The following UGGT2 variants were observed in gnomAD, a reference collection of about 807,000 sequenced individuals.
UGGT2 encodes the protein UDP-glucose:glycoprotein glucosyltransferase 2.
Under a neutral mutation model 192.1 loss-of-function variants are expected in UGGT2, and 180 were observed. That is an observed-to-expected ratio of 0.94 (90% CI 0.83 to 1.06). The LOEUF (loss-of-function observed/expected upper bound fraction) is 1.06, where lower values mean the gene tolerates loss of function less well. UGGT2 is among the 50% of genes least tolerant of loss of function. The pLI is 0.00. For missense variants in UGGT2, 1,849 were observed against 1,795.7 expected (o/e 1.03, Z -0.54); for synonymous variants, 580 against 591.0 (o/e 0.98, Z 0.27).
At chr13:96,005,603 T>C (rs974545992) in intron 5 of UGGT2, among the ~76,000 whole-genome samples, 3 of 152,116 alleles carry the variant, frequency 2.0e-5, no homozygotes, top group Non-Finnish European at 4.4e-5. Flanking sequence ...ATGGAACAGA[T>C]GAAAGTCTTA....
At position 95,925,728 on chromosome 13, in the gene UGGT2, A is replaced by G; in HGVS notation, c.2247T>C (p.Phe749=). ...GAAGTTTTCTCCCAGAAGGCTTATC[A>G]AAATCTGCAATAATCCAGAGAGTGA... The part of the protein sequence containing the change: ...SAVTLWIIAD[F]DKPSGRKLLF... Residue 749 remains phenylalanine (F), a synonymous_variant, in exon 20 of 39, where the codon TTT becomes TTC. Transcript: ENST00000376747. The G allele has an allele frequency of 6.3e-7, 1 of 1,582,206 alleles. No individual in the cohort carries two copies. Among genetic ancestry groups the G allele is most frequent in the Non-Finnish European group, 8.6e-7 (1 of 1,160,928 alleles).
chr13:95,923,368 CTT>C (rs67003679), intron 20 of UGGT2, among the ~76,000 whole-genome samples: 80 of 119,602 alleles, frequency 6.7e-4, no homozygotes, highest in East Asian at 1.2e-3. Context: ...TCAGCATATT[CTT>C]TTTTTTTTTT....
chr13:95,813,367 A>C (rs1884669152), intron 38 of UGGT2, among the ~76,000 whole-genome samples: 1 of 152,234 alleles, frequency 6.6e-6, no homozygotes, highest in Admixed American at 6.5e-5. Flanking sequence ...TTATGCTTTA[A>C]CAAAGAACTT....
At chr13:95,904,313 C>CT (rs1435564314) in intron 20 of UGGT2, among the ~76,000 whole-genome samples, 2 of 151,752 alleles carry the variant, frequency 1.3e-5, no homozygotes, top group Middle Eastern at 3.4e-3. Context: ...TATTATTAAA[C>CT]TTTAAGTTTT....
intron 21 of UGGT2, among the ~76,000 whole-genome samples, chr13:95,901,654 A>G (rs1024968677): frequency 2.6e-5 from 4 of 152,166 alleles, no homozygotes; most frequent in Non-Finnish European, 5.9e-5. Context: ...GCATTGTCCA[A>G]TATGGCAGCC....
chr13:95,820,159 A>AATAG (rs1885354318), intron 38 of UGGT2, among the ~76,000 whole-genome samples: 1 of 151,836 alleles, frequency 6.6e-6, no homozygotes, highest in Non-Finnish European at 1.5e-5. Context: ...TCAAAAAATA[A>AATAG]ATAAATAAAA....
intron 15 of UGGT2, among the ~76,000 whole-genome samples, chr13:95,943,768 G>A (rs2049770841): frequency 6.6e-6 from 1 of 151,876 alleles, no homozygotes; most frequent in African/African-American, 2.4e-5. Context: ...TATTTTAAAT[G>A]AGTATTTCCT....
intron 20 of UGGT2, among the ~76,000 whole-genome samples, chr13:95,907,056 A>G (rs2048314987): frequency 6.6e-6 from 1 of 152,204 alleles, no homozygotes; most frequent in South Asian, 2.1e-4. Context: ...CTTCTGCCCA[A>G]ATACTGTGAT....
chr13:95,834,816 ATGCCT>A (rs1887111103), intron 37 of UGGT2, among the ~76,000 whole-genome samples: 1 of 152,126 alleles, frequency 6.6e-6, no homozygotes, highest in Non-Finnish European at 1.5e-5. Context: ...CCAAGGGGCC[ATGCCT>A]TTAGGATTCA....
intron 30 of UGGT2, among the ~76,000 whole-genome samples, chr13:95,865,524 C>T (rs1328145787): frequency 6.6e-6 from 1 of 152,102 alleles, no homozygotes; most frequent in East Asian, 1.9e-4. Context: ...ATTAGCCAGG[C>T]ATGGTAGCAC....
At chr13:96,023,305 TC>T (rs2052568397) in intron 3 of UGGT2, among the ~76,000 whole-genome samples, 153 bp from the exon 4 acceptor site, 3 of 152,104 alleles carry the variant, frequency 2.0e-5, no homozygotes, top group Admixed American at 1.3e-4. Flanking sequence ...GTAGGTAGAA[TC>T]TAAGAAATAT....
At chr13:95,939,836 C>A (rs1332549037) in intron 16 of UGGT2, 121 bp downstream of exon 16, 11 of 771,202 alleles carry the variant, frequency 1.4e-5, no homozygotes, top group South Asian at 8.6e-5. Context: ...CTCTGGTAAC[C>A]CCCATTTTAC....
At chr13:95,970,085 A>G (rs371109943) in intron 12 of UGGT2, 27 bp downstream of exon 12, 3 of 1,585,342 alleles carry the variant, frequency 1.9e-6, no homozygotes, top group East Asian at 2.2e-5. Flanking sequence ...TACAGGTTTT[A>G]GAACAAGGAA....
intron 38 of UGGT2, among the ~76,000 whole-genome samples, chr13:95,802,080 C>A (rs1011095023): frequency 2.0e-5 from 3 of 152,158 alleles, no homozygotes; most frequent in African/African-American, 7.2e-5. Flanking sequence ...CCTTACTTAT[C>A]TTTGTTATCT....
In UGGT2 at chr13:95,830,976, T is replaced by A. The variant is rs960225515; in HGVS notation, c.4528+1951A>T. Among the ~76,000 whole-genome samples, 3 of 152,236 alleles carry A rather than the reference T, an allele frequency of 2.0e-5. No homozygotes were observed. In the South Asian group the frequency reaches 6.2e-4, roughly 32 times the overall value. On this transcript the variant is annotated intron_variant, in intron 38 of 38. Coordinates refer to ENST00000376747, the MANE Select transcript of UGGT2 (RefSeq NM_020121.4). ...AAAAAGGATGAGTTCATGTCCTTTGTAGGGACATGGATGAAGCTGGAAACC... is the reference window on the plus strand; with the variant it reads ...AAAAAGGATGAGTTCATGTCCTTTGAAGGGACATGGATGAAGCTGGAAACC...
intron 20 of UGGT2, among the ~76,000 whole-genome samples, chr13:95,909,289 A>C (rs1308823620): frequency 6.6e-6 from 1 of 152,104 alleles, no homozygotes; most frequent in Admixed American, 6.6e-5. Flanking sequence ...GCTGCTATAA[A>C]GACACACGCA....
chr13:95,965,705 C>T (rs1204884511), intron 12 of UGGT2, among the ~76,000 whole-genome samples: 1 of 151,518 alleles, frequency 6.6e-6, no homozygotes, highest in African/African-American at 2.4e-5. Context: ...AACTAACCTG[C>T]ACATTGTGCA....
At chr13:95,923,111 G>T (rs768101502) in intron 20 of UGGT2, among the ~76,000 whole-genome samples, 2 of 152,218 alleles carry the variant, frequency 1.3e-5, no homozygotes, top group Middle Eastern at 3.4e-3. Flanking sequence ...GAGTGCAATG[G>T]TGTGATCATA....
At position 95,856,301 on chromosome 13, in the gene UGGT2, A is replaced by G. The variant is rs1419310045; in HGVS notation, c.3865T>C (p.Tyr1289His). 2 of 1,612,272 alleles carry G rather than the reference A, an allele frequency of 1.2e-6. No individual in the cohort carries two copies. The highest frequency in any genetic ancestry group is 1.7e-5 in the Admixed American group (1 of 59,388). Reference sequence around the variant, plus strand: ...GGCCACCTATATTGAACTAGTTCATATCGGAATCCATACTCTTTAGCCATG... The same window carrying G: ...GGCCACCTATATTGAACTAGTTCATGTCGGAATCCATACTCTTTAGCCATG... ...PHMAKEYGFR[Y>H]ELVQYRWPRW... The change falls in exon 34 of 39, where the codon TAT (tyrosine) becomes CAT (histidine). Residue 1289 changes from tyrosine (Y) to histidine (H), a missense_variant. Physicochemically the swap from Tyr to His is moderately conservative, Grantham distance 83. Coordinates refer to ENST00000376747, the MANE Select transcript of UGGT2 (RefSeq NM_020121.4).
Sources: allele counts gnomAD v4.1 joint callset (sites outside exome capture counted in the v4.1 genomes callset), GRCh38; gene constraint gnomAD v4.1.1; transcripts MANE v1.5; gene names NCBI Gene and HGNC (gene_info 2026-07-23, HGNC 2026-07-21).